Variants in PCDHA9 observed in about 807,000 individuals in gnomAD.
PCDHA9 encodes the protein protocadherin alpha 9.
In PCDHA9, 62 loss-of-function variants were observed where a neutral mutation model predicts 62.0. That is an observed-to-expected ratio of 1.00 (90% CI 0.81 to 1.23). The LOEUF (loss-of-function observed/expected upper bound fraction) is 1.23. PCDHA9 is among the 50% of genes most tolerant of loss of function. The pLI, the probability that PCDHA9 is intolerant of heterozygous loss-of-function variation, is 0.00. For missense variants in PCDHA9, 1,205 were observed against 1,249.8 expected (o/e 0.96, Z 0.54); for synonymous variants, 557 against 567.6 (o/e 0.98, Z 0.27).
chr5:140,870,949 G>A (rs1554164920), intron 1 of PCDHA9: 2 of 1,613,686 alleles, frequency 1.2e-6, no homozygotes, highest in East Asian at 2.2e-5. Context: ...GGCGGCGGGC[G>A]GCTCGCGCAT....
In PCDHA9 at chr5:140,870,537, G is replaced by A. The variant is rs575452776; in HGVS notation, c.2394+19648G>A. On this transcript the variant is annotated intron_variant, in intron 1 of 3. Transcript: ENST00000532602. ...GCTGCCACATCTTCACAGTGTCGGC[G>A]CGGGACGCGGACGCGCAGGAGAACG... 9.3e-6 allele frequency: 15 copies of A among 1,614,172 alleles called. No homozygotes were observed. In the African/African-American group the frequency reaches 1.7e-4, roughly 19 times the overall value.
At chr5:141,001,384 A>G (rs1554258149) in intron 3 of PCDHA9, among the ~76,000 whole-genome samples, 1 of 152,204 alleles carries the variant, frequency 6.6e-6, no homozygotes, top group African/African-American at 2.4e-5. Context: ...AGAGCCTAAG[A>G]TCCTACAGAG....
intron 1 of PCDHA9, chr5:140,877,520 C>T (rs2057180531): frequency 6.2e-7 from 1 of 1,613,784 alleles, no homozygotes; most frequent in Non-Finnish European, 8.5e-7. Context: ...TCGCGGGCCT[C>T]AGTGGGCGCT....
chr5:140,959,060 T>C (rs1201389008), intron 1 of PCDHA9, among the ~76,000 whole-genome samples: 1 of 152,138 alleles, frequency 6.6e-6, no homozygotes, highest in Admixed American at 6.5e-5. Context: ...AAATGCAGTA[T>C]ATATAGAATT....
chr5:140,978,967 G>C lies in PCDHA9; in HGVS notation c.2413G>C (p.Asp805His), dbSNP rs782109224. 1.9e-6 allele frequency: 3 copies of C among 1,614,038 alleles called. No homozygotes were observed. The highest frequency in any genetic ancestry group is 1.1e-5 in the South Asian group (1 of 91,066). The stretch of plus-strand genomic sequence containing the variant: ...TTTGCAGCCACGACAGCCCAACCCT[G>C]ACTGGCGTTACTCTGCCTCCCTGAG... ...STGKPRQPNPDWRYSASLRAG... is the reference protein window; with the variant it reads ...STGKPRQPNPHWRYSASLRAG... The change falls in exon 2 of 4, where the codon GAC (aspartate) becomes CAC (histidine). Residue 805 changes from aspartate to histidine, a missense_variant. Asp to His is a moderately conservative substitution (Grantham distance 81). Coordinates refer to ENST00000532602, the MANE Select transcript of PCDHA9 (RefSeq NM_031857.2).
chr5:140,850,566 G>GTGAC lies in PCDHA9; in HGVS notation c.2072_2075dup (p.Leu693AspfsTer18), dbSNP rs1554144512. The GTGAC allele has an allele frequency of 6.3e-7, 1 of 1,598,448 alleles. No homozygotes were observed. Among genetic ancestry groups the GTGAC allele is most frequent in the Admixed American group, 1.7e-5 (1 of 59,316 alleles). ...GTCAGTGGGTGCCACGGGCCCCGAG[G>GTGAC]TGACGCTGGTGGATGTCAACGTGTA... On this transcript the variant is annotated frameshift_variant, in exon 1 of 4. Transcript: ENST00000532602. LOFTEE classifies it high-confidence loss of function.
intron 3 of PCDHA9, among the ~76,000 whole-genome samples, chr5:140,986,748 A>G (rs2097211627): frequency 6.6e-6 from 1 of 152,220 alleles, no homozygotes; most frequent in Non-Finnish European, 1.5e-5. Flanking sequence ...GGGATCTGGG[A>G]CTAAACAGTG....
intron 1 of PCDHA9, among the ~76,000 whole-genome samples, chr5:140,906,383 T>A (rs1386557574): frequency 6.6e-6 from 1 of 152,214 alleles, no homozygotes; most frequent in African/African-American, 2.4e-5. Context: ...TTACATAAAG[T>A]TAACATTTAA....
chr5:140,869,525 T>C, intron 1 of PCDHA9: 2 of 1,614,200 alleles, frequency 1.2e-6, no homozygotes, highest in Admixed American at 1.7e-5. Context: ...CAAAAGCTGC[T>C]GATTGCGGAA....
intron 1 of PCDHA9, chr5:140,863,137 G>GT (rs1309983213): frequency 1.7e-6 from 1 of 604,700 alleles, no homozygotes; most frequent in Admixed American, 1.9e-5. Context: ...CCGCCTGCTG[G>GT]TGCTGGTGAA....
intron 3 of PCDHA9, among the ~76,000 whole-genome samples, chr5:141,005,619 G>A (rs996010701): frequency 6.8e-5 from 10 of 146,082 alleles, no homozygotes; most frequent in South Asian, 2.2e-4. Flanking sequence ...GGAGAATGGC[G>A]TGAACCCGGG....
chr5:140,961,255 C>G (rs1446798989), intron 1 of PCDHA9, among the ~76,000 whole-genome samples: 1 of 152,164 alleles, frequency 6.6e-6, no homozygotes, highest in African/African-American at 2.4e-5. Context: ...TCCGAAGCTC[C>G]AGGAAGCTTC....
chr5:140,942,924 T>A (rs2093394309), intron 1 of PCDHA9, among the ~76,000 whole-genome samples: 1 of 151,518 alleles, frequency 6.6e-6, no homozygotes, highest in African/African-American at 2.4e-5. Context: ...AAAAAAAAAA[T>A]TGAAAAAGAG....
chr5:140,848,619 G>C lies in PCDHA9; in HGVS notation c.124G>C (p.Gly42Arg), dbSNP rs2150415128. The C allele has an allele frequency of 3.5e-5, 55 of 1,593,396 alleles. 5 individuals are homozygous for C. Among genetic ancestry groups the C allele is most frequent in the Admixed American group, 1.5e-4 (9 of 59,226 alleles). ...HYSVPEEAEH[G>R]TFVGRIAQDL... ...CTCCGTCCCGGAGGAAGCCGAACACGGCACCTTCGTGGGCCGCATCGCGCA... is the reference window on the plus strand; with the variant it reads ...CTCCGTCCCGGAGGAAGCCGAACACCGCACCTTCGTGGGCCGCATCGCGCA... The change falls in exon 1 of 4, where the codon GGC (glycine) becomes CGC (arginine). Residue 42 changes from glycine (G) to arginine (R), a missense_variant. Coordinates refer to ENST00000532602, the MANE Select transcript of PCDHA9 (RefSeq NM_031857.2).
chr5:140,958,911 G>C (rs1458386566), intron 1 of PCDHA9, among the ~76,000 whole-genome samples: 3 of 151,406 alleles, frequency 2.0e-5, no homozygotes, highest in African/African-American at 7.3e-5. Flanking sequence ...AGAAAAGTCT[G>C]CCTGGGTGTG....
rs377081112 is a variant in PCDHA9 at position 140,871,063 on chromosome 5, G to C, written c.2394+20174G>C. On this transcript the variant is annotated intron_variant, in intron 1 of 3. Coordinates refer to ENST00000532602, the MANE Select transcript of PCDHA9 (RefSeq NM_031857.2). ...ACTTCTAGTACTGGTGAAGGATCAC[G>C]GTGAGCCGGCGCTGACGGCCACGGC... The C allele has an allele frequency of 2.7e-5, 43 of 1,613,154 alleles. 1 individual carries two copies. The South Asian group carries it at 4.5e-4, about 17-fold the overall frequency.
At chr5:140,880,764 G>T (rs1438457004) in intron 1 of PCDHA9, among the ~76,000 whole-genome samples, 1 of 152,198 alleles carries the variant, frequency 6.6e-6, no homozygotes, top group Non-Finnish European at 1.5e-5. Context: ...GCGTGTTGGA[G>T]GCTAAAAAGA....
chr5:141,009,315 C>G (rs1292643535), intron 3 of PCDHA9, among the ~76,000 whole-genome samples: 2 of 152,132 alleles, frequency 1.3e-5, no homozygotes, highest in Admixed American at 6.6e-5. Context: ...AAAAGCTAGC[C>G]TGGCATGGGA....
At chr5:140,986,181 G>A (rs531382269) in intron 3 of PCDHA9, among the ~76,000 whole-genome samples, 1 of 152,152 alleles carries the variant, frequency 6.6e-6, no homozygotes, top group Admixed American at 6.6e-5. Flanking sequence ...AACAAGTCAG[G>A]CATTAAATTG....
Sources: allele counts gnomAD v4.1 joint callset (sites outside exome capture counted in the v4.1 genomes callset), GRCh38; gene constraint gnomAD v4.1.1; transcripts MANE v1.5; gene names NCBI Gene and HGNC (gene_info 2026-07-23, HGNC 2026-07-21).